PXK: variants seen among roughly 807,000 people sequenced by gnomAD.
The protein encoded by PXK is PX domain containing serine/threonine kinase like.
Under a neutral mutation model 84.7 loss-of-function variants are expected in PXK, and 35 were observed. The observed-to-expected ratio is 0.41, with a 90% confidence interval of 0.32 to 0.55. PXK has a LOEUF of 0.55. PXK is among the 20% of genes least tolerant of loss of function. The pLI is 0.21. For missense variants in PXK, 634 were observed against 699.7 expected, an observed-to-expected ratio of 0.91 and a Z score of 1.06; for synonymous variants, 253 against 260.8, an observed-to-expected ratio of 0.97 and a Z score of 0.29.
At chr3:58,375,314 TAAAC>T (rs968180883) in intron 3 of PXK, among the ~76,000 whole-genome samples, 2 of 152,164 alleles carry the variant, frequency 1.3e-5, no homozygotes, top group African/African-American at 4.8e-5. Context: ...ATCAGTTTGA[TAAAC>T]AAAAGCACTT....
chr3:58,346,964 G>A (rs754058870), intron 1 of PXK, among the ~76,000 whole-genome samples: 1 of 152,120 alleles, frequency 6.6e-6, no homozygotes, highest in Non-Finnish European at 1.5e-5. Flanking sequence ...TCAGTCTCCT[G>A]AGTAGCTGGG....
chr3:58,406,864 A>G (rs2059488602), intron 13 of PXK, among the ~76,000 whole-genome samples: 1 of 152,172 alleles, frequency 6.6e-6, no homozygotes, highest in South Asian at 2.1e-4. Context: ...CTCAAGGTTC[A>G]TCTATATTGT....
chr3:58,408,349 A>T (rs1576680613), intron 13 of PXK, among the ~76,000 whole-genome samples: 1 of 152,164 alleles, frequency 6.6e-6, no homozygotes, highest in East Asian at 1.9e-4. Context: ...TTGTTTTGGC[A>T]ATTTACAGCC....
At chr3:58,368,076 A>T (rs1010108784) in intron 2 of PXK, among the ~76,000 whole-genome samples, 1 of 152,002 alleles carries the variant, frequency 6.6e-6, no homozygotes, top group African/African-American at 2.4e-5. Context: ...AGCTCAAGGG[A>T]TCCTCCTGCC....
At chr3:58,337,903 T>C (rs1291823704) in intron 1 of PXK, among the ~76,000 whole-genome samples, 2 of 152,216 alleles carry the variant, frequency 1.3e-5, no homozygotes, top group Non-Finnish European at 2.9e-5. Context: ...GAATAACTAT[T>C]CAAATGTAAT....
chr3:58,357,231 A>T (rs1356110947), intron 1 of PXK, among the ~76,000 whole-genome samples: 1 of 151,614 alleles, frequency 6.6e-6, no homozygotes, highest in Non-Finnish European at 1.5e-5. Flanking sequence ...GTGAGCCGAG[A>T]TTGTGCGACT....
At chr3:58,343,659 C>T (rs2097771787) in intron 1 of PXK, among the ~76,000 whole-genome samples, 1 of 152,174 alleles carries the variant, frequency 6.6e-6, no homozygotes, top group South Asian at 2.1e-4. Context: ...CTCTTTGAGG[C>T]TTGTTTTATT....
At chr3:58,391,071 G>A (rs1472067415) in intron 5 of PXK, 76 bp from the exon 6 acceptor site, 2 of 1,045,264 alleles carry the variant, frequency 1.9e-6, no homozygotes, top group South Asian at 1.4e-5. Flanking sequence ...AATTTTTCTT[G>A]ATTACCTAGT....
intron 17 of PXK, chr3:58,423,349 A>G: frequency 4.1e-6 from 6 of 1,476,674 alleles, no homozygotes; most frequent in Non-Finnish European, 4.5e-6. Context: ...TGTAGAACCA[A>G]TGAACATGTT....
intron 1 of PXK, among the ~76,000 whole-genome samples, chr3:58,363,230 T>C (rs994646276): frequency 2.0e-5 from 3 of 152,342 alleles, no homozygotes; most frequent in South Asian, 2.1e-4. Context: ...TTTGAGTAAT[T>C]GTAAATGGTA....
chr3:58,384,294 G>A (rs1053703778), intron 4 of PXK, among the ~76,000 whole-genome samples: 2 of 152,180 alleles, frequency 1.3e-5, no homozygotes, highest in African/African-American at 2.4e-5. Context: ...TGATTTGCAC[G>A]CACATTAAAG....
At chr3:58,423,503 T>C in intron 17 of PXK, 2 of 1,535,312 alleles carry the variant, frequency 1.3e-6, no homozygotes, top group African/African-American at 2.7e-5. Context: ...AGGTAAGTGA[T>C]TTTCTATTGT....
intron 17 of PXK, chr3:58,420,648 TTGC>T (rs2061691095): frequency 6.5e-7 from 1 of 1,531,320 alleles, no homozygotes; most frequent in Admixed American, 2.0e-5. Context: ...AGTGTCTCGA[TTGC>T]TGAAGTGATG....
At position 58,398,294 on chromosome 3, in the gene PXK, G is replaced by T. The variant is rs1414669785; in HGVS notation, c.1102+572G>T. 6.6e-6 allele frequency among the ~76,000 whole-genome samples: 1 copy of T among 152,174 alleles called. No individual in the cohort carries two copies. Among genetic ancestry groups the T allele is most frequent in the African/African-American group, 2.4e-5 (1 of 41,434 alleles). ...TGCATGCCTGTAATCCCAGCTTTTT[G>T]GGAGGCTGAGGCACGAGAATTGCTT... On this transcript the variant is annotated intron_variant, in intron 11 of 17. Coordinates refer to ENST00000356151, the MANE Select transcript of PXK (RefSeq NM_017771.5). This position sits in a 1 kb window ranked among gnomAD's most constrained non-coding sequence, Gnocchi z 4.5.
At chr3:58,408,794 T>A in intron 13 of PXK, 130 bp from the exon 14 acceptor site, 2 of 681,640 alleles carry the variant, frequency 2.9e-6, no homozygotes, top group Non-Finnish European at 5.2e-6. Flanking sequence ...AGTCCTGGGA[T>A]TACAGGCATG....
At chr3:58,404,385 G>A (rs745529176) in intron 13 of PXK, among the ~76,000 whole-genome samples, 29 of 152,028 alleles carry the variant, frequency 1.9e-4, no homozygotes, top group Admixed American at 1.1e-3. Flanking sequence ...TTGTTGTGAG[G>A]GCTGCCTGTG....
intron 13 of PXK, among the ~76,000 whole-genome samples, chr3:58,405,445 G>A (rs1400134714): frequency 6.6e-6 from 1 of 152,190 alleles, no homozygotes; most frequent in Non-Finnish European, 1.5e-5. Context: ...TTGGGAGGCT[G>A]AGACAGGTGG....
rs769037239 is a variant in PXK, at chr3:58,401,568, G to T, written c.1181+2191G>T. On this transcript the variant is annotated intron_variant, in intron 12 of 17. Coordinates refer to ENST00000356151, the MANE Select transcript of PXK (RefSeq NM_017771.5). The surrounding 1 kb of genome is among the most constrained non-coding windows in gnomAD (Gnocchi z 4.4). Reference sequence around the variant, plus strand: ...TTGAGCCTAGGAATTTGAGGTTGCAGTGAGCTGTGAACTCACCACTGCACT... The same window carrying T: ...TTGAGCCTAGGAATTTGAGGTTGCATTGAGCTGTGAACTCACCACTGCACT... Among the ~76,000 whole-genome samples the T allele has an allele frequency of 5.3e-5, 8 of 152,160 alleles. No individual in the cohort carries two copies. Among genetic ancestry groups the T allele is most frequent in the Non-Finnish European group, 1.2e-4 (8 of 68,028 alleles).
rs575779563 is a variant in PXK, at chr3:58,383,936, C to T, written c.388+1236C>T. 1.3e-5 allele frequency among the ~76,000 whole-genome samples: 2 copies of T among 152,240 alleles called. No individual in the cohort carries two copies. Among genetic ancestry groups the T allele is most frequent in the African/African-American group, 4.8e-5 (2 of 41,546 alleles). ...TTATTTATTCATACCCATTCATTCACCAAAATATTCCTATTTCAGAGAGGG... is the reference window on the plus strand; with the variant it reads ...TTATTTATTCATACCCATTCATTCATCAAAATATTCCTATTTCAGAGAGGG... On this transcript the variant is annotated intron_variant, in intron 4 of 17. Coordinates refer to ENST00000356151, the MANE Select transcript of PXK (RefSeq NM_017771.5). The surrounding 1 kb of genome is among the most constrained non-coding windows in gnomAD (Gnocchi z 4.0).
Sources: gnomAD v4.1 joint callset for allele counts (sites outside exome capture counted in the v4.1 genomes callset) on GRCh38, gnomAD v4.1.1 for gene constraint, Gnocchi (gnomAD v3.1) non-coding constraint, MANE v1.5 for transcripts, NCBI Gene and HGNC (gene_info 2026-07-23, HGNC 2026-07-21) for gene names.